Variants in FBXO36 observed in about 807,000 individuals in gnomAD.
FBXO36 encodes F-box protein 36.
FBXO36 carries 18 observed loss-of-function variants against 17.0 expected under a neutral mutation model. That is an observed-to-expected ratio of 1.06 (90% confidence interval 0.73 to 1.57). The LOEUF (loss-of-function observed/expected upper bound fraction) is 1.57, where lower values mean the gene tolerates loss of function less well. Among genes scored for constraint, FBXO36 ranks in the 40% most tolerant of loss-of-function variants. FBXO36 has a pLI of 0.00. For missense variants in FBXO36, 229 were observed against 221.9 expected, an observed-to-expected ratio of 1.03 and a Z score of -0.20; for synonymous variants, 83 against 85.3, an observed-to-expected ratio of 0.97 and a Z score of 0.15.
chr2:229,958,562 C>A (rs2077104030), intron 1 of FBXO36, among the ~76,000 whole-genome samples: 1 of 152,190 alleles, frequency 6.6e-6, no homozygotes, highest in African/African-American at 2.4e-5. Flanking sequence ...AGCCACCGCA[C>A]CCTGCCGAGG....
At chr2:229,929,649 G>A (rs758012833) in intron 1 of FBXO36, among the ~76,000 whole-genome samples, 14 of 151,988 alleles carry the variant, frequency 9.2e-5, no homozygotes, top group Non-Finnish European at 5.9e-5. Flanking sequence ...GAAGCAGATG[G>A]ATCACGAGGT....
intron 1 of FBXO36, among the ~76,000 whole-genome samples, chr2:229,955,921 G>A (rs188707184): frequency 4.6e-5 from 7 of 152,246 alleles, no homozygotes; most frequent in Non-Finnish European, 1.0e-4. Flanking sequence ...CCACTGAGCA[G>A]TGAATGGTTG....
At chr2:229,956,667 G>C (rs2077089700) in intron 1 of FBXO36, among the ~76,000 whole-genome samples, 1 of 152,186 alleles carries the variant, frequency 6.6e-6, no homozygotes, top group Non-Finnish European at 1.5e-5. Context: ...GATTCTTGTG[G>C]AGGGGGATGC....
chr2:229,996,884 T>C lies in FBXO36; in HGVS notation c.339T>C (p.Asp113=), dbSNP rs1006587213. 1.2e-6 allele frequency: 2 copies of C among 1,613,946 alleles called. No individual in the cohort carries two copies. Among genetic ancestry groups the C allele is most frequent in the Admixed American group, 3.3e-5 (2 of 59,988 alleles). Residue 113 remains aspartate, a synonymous_variant, in exon 3 of 4, where the codon GAT becomes GAC. Transcript: ENST00000283946. The part of the protein sequence containing the change: ...LTIISYLDLE[D]IARLCQTSHR... The stretch of plus-strand genomic sequence containing the variant: ...TCATTTCTTATCTGGATCTTGAAGA[T>C]ATTGCCAGGCTTTGTCAAACATCAC...
intron 3 of FBXO36, among the ~76,000 whole-genome samples, chr2:230,002,590 C>T (rs997341782): frequency 3.3e-5 from 5 of 152,004 alleles, no homozygotes; most frequent in Non-Finnish European, 7.4e-5. Flanking sequence ...TGCCATCTTG[C>T]GCTGGTTGGT....
intron 1 of FBXO36, among the ~76,000 whole-genome samples, chr2:229,972,904 A>T (rs574465169): frequency 1.3e-5 from 2 of 151,936 alleles, no homozygotes. Context: ...TCTACTAAAA[A>T]TACAAAAATT....
chr2:229,975,129 A>C (rs533021472), intron 1 of FBXO36, among the ~76,000 whole-genome samples: 6 of 152,338 alleles, frequency 3.9e-5, no homozygotes, highest in Non-Finnish European at 5.9e-5. Context: ...GTCCATAACC[A>C]TGGAAATGAA....
At chr2:229,974,940 T>G (rs1350856862) in intron 1 of FBXO36, among the ~76,000 whole-genome samples, 1 of 152,196 alleles carries the variant, frequency 6.6e-6, no homozygotes, top group African/African-American at 2.4e-5. Context: ...CCTCCTAGCC[T>G]TCATCGAAAT....
intron 2 of FBXO36, among the ~76,000 whole-genome samples, chr2:229,991,548 A>G (rs2077298140): frequency 6.6e-6 from 1 of 152,236 alleles, no homozygotes; most frequent in South Asian, 2.1e-4. Context: ...GCACAAGCCA[A>G]GAGAAGAAGC....
intron 1 of FBXO36, among the ~76,000 whole-genome samples, chr2:229,945,849 C>T (rs1211083612): frequency 6.6e-6 from 1 of 151,488 alleles, no homozygotes; most frequent in Non-Finnish European, 1.5e-5. Context: ...ATGGGGAAAC[C>T]CTGTCTCTAC....
chr2:229,939,461 A>AG (rs1480887460), intron 1 of FBXO36, among the ~76,000 whole-genome samples: 8 of 151,904 alleles, frequency 5.3e-5, no homozygotes, highest in Non-Finnish European at 1.0e-4. Flanking sequence ...AAAAAAAAAA[A>AG]TTAGCCGGAC....
At position 230,010,957 on chromosome 2, in the gene FBXO36, T is replaced by A; in HGVS notation, c.*73T>A. Reference sequence around the variant, plus strand: ...CTTCAGTGTCCAAATCTCTTCTGTCTCCTTTTCTTAAGAACTAAGAGGTTT... The same window carrying A: ...CTTCAGTGTCCAAATCTCTTCTGTCACCTTTTCTTAAGAACTAAGAGGTTT... On this transcript the variant is annotated 3_prime_UTR_variant, in exon 4 of 4. Coordinates refer to ENST00000283946, the MANE Select transcript of FBXO36 (RefSeq NM_174899.5). 7.0e-7 allele frequency: 1 copy of A among 1,430,606 alleles called. No individual in the cohort carries two copies. The highest frequency in any genetic ancestry group is 9.4e-7 in the Non-Finnish European group (1 of 1,067,536). The allele number at this position is 1,430,606 out of a possible 1,614,324, so 88.6% of individuals were successfully genotyped here.
At chr2:229,932,178 G>A (rs1189070299) in intron 1 of FBXO36, among the ~76,000 whole-genome samples, 4 of 152,008 alleles carry the variant, frequency 2.6e-5, no homozygotes, top group African/African-American at 7.3e-5. Flanking sequence ...TCAGGAGTTC[G>A]AGACCAGCCT....
In FBXO36 at chr2:229,984,452, G is replaced by C. The variant is rs900416005; in HGVS notation, c.205+8103G>C. On this transcript the variant is annotated intron_variant, in intron 2 of 3. Coordinates refer to ENST00000283946, the MANE Select transcript of FBXO36 (RefSeq NM_174899.5). Reference sequence around the variant, plus strand: ...GTCGCCCGGGCTGGAGTGCAGTGGCGTGATCTCGGCTCACTGCAACGCCGC... The same window carrying C: ...GTCGCCCGGGCTGGAGTGCAGTGGCCTGATCTCGGCTCACTGCAACGCCGC... Among the ~76,000 whole-genome samples the C allele has an allele frequency of 4.2e-4, 23 of 54,600 alleles. 1 individual carries two copies. Among genetic ancestry groups the C allele is most frequent in the African/African-American group, 1.8e-3 (23 of 13,098 alleles). 35.8% of individuals were successfully genotyped at this position (54,600 alleles called of 152,430 possible).
At chr2:229,993,759 CTTTA>C (rs144401075) in intron 2 of FBXO36, among the ~76,000 whole-genome samples, 3 of 151,708 alleles carry the variant, frequency 2.0e-5, no homozygotes, top group Admixed American at 6.6e-5. Flanking sequence ...AACTTTTACA[CTTTA>C]TTTATTTATT....
rs187027554 is a variant in FBXO36 at position 230,011,975 on chromosome 2, T to C, written c.*1091T>C. Reference sequence around the variant, plus strand: ...TAAAAATGTTTTTCTCCCTGCACTTTCATGATTATTAAGTACCCCTAGAAA... The same window carrying C: ...TAAAAATGTTTTTCTCCCTGCACTTCCATGATTATTAAGTACCCCTAGAAA... On this transcript the variant is annotated 3_prime_UTR_variant, in exon 4 of 4. Coordinates refer to ENST00000283946, the MANE Select transcript of FBXO36 (RefSeq NM_174899.5). 6.6e-6 allele frequency: 1 copy of C among 152,354 alleles called. No homozygotes were observed. Among genetic ancestry groups the C allele is most frequent in the Admixed American group, 6.5e-5 (1 of 15,300 alleles). The allele number at this position is 152,354 out of a possible 1,614,324, so 9.4% of individuals were successfully genotyped here. A position where few individuals can be genotyped will look rare whatever the true frequency, so the allele number is the denominator to read the frequency against.
At chr2:229,984,229 TC>T (rs1577355055) in intron 2 of FBXO36, among the ~76,000 whole-genome samples, 1 of 151,318 alleles carries the variant, frequency 6.6e-6, no homozygotes, top group East Asian at 2.0e-4. Flanking sequence ...GTGCCTGTAG[TC>T]CCAGCTACTC....
At chr2:229,938,053 T>C (rs553536) in intron 1 of FBXO36, among the ~76,000 whole-genome samples, 123,704 of 151,906 alleles carry the variant, frequency 0.81, 50,727 homozygotes, top group East Asian at 0.91. Flanking sequence ...CTGCAACCTC[T>C]GCCTCCTGGG....
At chr2:229,939,449 C>CAA (rs1184530736) in intron 1 of FBXO36, among the ~76,000 whole-genome samples, 192 of 140,352 alleles carry the variant, frequency 1.4e-3, no homozygotes, top group African/African-American at 4.8e-3. Flanking sequence ...ACTAAAAATA[C>CAA]AAAAAAAAAA....
Sources: gnomAD v4.1 joint callset for allele counts (sites outside exome capture counted in the v4.1 genomes callset) on GRCh38, gnomAD v4.1.1 for gene constraint, MANE v1.5 for transcripts, NCBI Gene and HGNC (gene_info 2026-07-23, HGNC 2026-07-21) for gene names.